Variants in FREM2 observed in about 807,000 individuals in gnomAD.
FREM2 encodes the protein FRAS1 related extracellular matrix 2.
In FREM2, 119 loss-of-function variants were observed where a neutral mutation model predicts 219.9. The ratio of observed to expected loss-of-function variants is 0.54; its 90% CI spans 0.47 to 0.63. The LOEUF is 0.63. Among genes scored for constraint, FREM2 ranks in the 30% least tolerant of loss-of-function variants. The probability of loss-of-function intolerance (pLI) is 0.00; values close to 1 mark genes in which losing one functional copy is unlikely to be tolerated. For synonymous variants in FREM2, 1,562 were observed against 1,522.8 expected, an observed-to-expected ratio of 1.03 and a Z score of -0.60; for missense variants, 4,030 against 3,993.6, an observed-to-expected ratio of 1.01 and a Z score of -0.25.
Position 38,690,634 on chromosome 13 carries a change from C to T in FREM2, c.3290C>T (p.Ser1097Phe). 1 of 1,613,660 alleles carries T rather than the reference C, an allele frequency of 6.2e-7. No homozygotes were observed. The highest frequency in any genetic ancestry group is 1.3e-5 in the African/African-American group (1 of 75,038). Residue 1097 changes from serine to phenylalanine, a missense_variant, in exon 1 of 24, where the codon TCC becomes TTC. Physicochemically the swap from Ser to Phe is radical, Grantham distance 155 (BLOSUM62 -2). This residue lies in a region of FREM2 where 3,102 missense variants were observed against 2,950.7 expected (regional missense o/e 1.05). Coordinates refer to ENST00000280481, the MANE Select transcript of FREM2 (RefSeq NM_207361.6). ...CATATAAGTGCTGAAGATGTCGACT[C>T]CCTGAATGATGACATCTTGTGCACT... Reference protein sequence around the residue: ...SVHISAEDVDSLNDDILCTIV... With the variant: ...SVHISAEDVDFLNDDILCTIV...
At chr13:38,704,222 C>A (rs1870450983) in intron 2 of FREM2, among the ~76,000 whole-genome samples, 1 of 152,166 alleles carries the variant, frequency 6.6e-6, no homozygotes, top group South Asian at 2.1e-4. Context: ...ATTTTTGGAG[C>A]ACCCACTCAC....
At chr13:38,748,397 TCTAA>T (rs1245156345) in intron 2 of FREM2, among the ~76,000 whole-genome samples, 1 of 152,238 alleles carries the variant, frequency 6.6e-6, no homozygotes, top group Non-Finnish European at 1.5e-5. Context: ...GATGTGCAGT[TCTAA>T]CTATTAGTGT....
chr13:38,875,658 C>G (rs1363978660), intron 18 of FREM2, among the ~76,000 whole-genome samples: 1 of 152,246 alleles, frequency 6.6e-6, no homozygotes, highest in Non-Finnish European at 1.5e-5. Flanking sequence ...CTTCAGTGCA[C>G]AATAAATGCA....
At chr13:38,714,442 G>A (rs913008313) in intron 2 of FREM2, among the ~76,000 whole-genome samples, 1 of 152,152 alleles carries the variant, frequency 6.6e-6, no homozygotes, top group African/African-American at 2.4e-5. Context: ...ATGTATAAAA[G>A]TTGTGAGACT....
rs1243859592 is a variant in FREM2, at chr13:38,798,741, AGTTT to A, written c.6019+13941_6019+13944del. ...TTTATCCATTTCCTCTAGGTTTTCC[AGTTT>A]GTTTGTTAGTCTGTAGTTGTTCATA... is the stretch of plus-strand genomic sequence containing the variant. On this transcript the variant is annotated intron_variant, in intron 6 of 23. Transcript: ENST00000280481. 1.6e-4 allele frequency among the ~76,000 whole-genome samples: 25 copies of A among 152,002 alleles called. No homozygotes were observed. The East Asian group carries it at 4.6e-3, about 28-fold the overall frequency.
chr13:38,699,211 T>C (rs1385403395), intron 2 of FREM2, among the ~76,000 whole-genome samples: 1 of 152,150 alleles, frequency 6.6e-6, no homozygotes, highest in East Asian at 1.9e-4. Context: ...ATAGCAAAAG[T>C]GTGACTTTCT....
At chr13:38,844,646 G>A (rs559623450) in intron 6 of FREM2, among the ~76,000 whole-genome samples, 37 of 152,182 alleles carry the variant, frequency 2.4e-4, no homozygotes, top group African/African-American at 8.7e-4. Flanking sequence ...AGGAAGATGG[G>A]GAGGTATCAT....
intron 6 of FREM2, among the ~76,000 whole-genome samples, chr13:38,795,326 A>G (rs1273067167): frequency 6.8e-6 from 1 of 147,606 alleles, no homozygotes; most frequent in Non-Finnish European, 1.5e-5. Context: ...TTTCCAACAT[A>G]TTTTTTTTTT....
At chr13:38,746,632 G>A (rs1872496245) in intron 2 of FREM2, among the ~76,000 whole-genome samples, 1 of 152,000 alleles carries the variant, frequency 6.6e-6, no homozygotes, top group Non-Finnish European at 1.5e-5. Flanking sequence ...TCATTTATAG[G>A]AAACCTTGAA....
chr13:38,852,300 T>TA (rs1164109122), intron 11 of FREM2, among the ~76,000 whole-genome samples: 1 of 152,234 alleles, frequency 6.6e-6, no homozygotes, highest in African/African-American at 2.4e-5. Context: ...TCCTCTCGTT[T>TA]AGTAAAACAA....
rs1475568486 is a variant in FREM2, at chr13:38,878,059, C to A, written c.8672-75C>A. ...GAAATAATCTCTGTGTCCTCATTGTCATAACCTGTTTACAGTGTCACGTTG... is the reference window on the plus strand; with the variant it reads ...GAAATAATCTCTGTGTCCTCATTGTAATAACCTGTTTACAGTGTCACGTTG... On this transcript the variant is annotated intron_variant, in intron 21 of 23. Transcript: ENST00000280481. 6 of 1,241,436 alleles carry A rather than the reference C, an allele frequency of 4.8e-6. No homozygotes were observed. In the Admixed American group the frequency reaches 6.7e-5, roughly 14 times the overall value. The allele number at this position is 1,241,436 out of a possible 1,614,324, so 76.9% of individuals were successfully genotyped here.
chr13:38,753,103 GT>G (rs748684301), intron 2 of FREM2, among the ~76,000 whole-genome samples: 3 of 152,182 alleles, frequency 2.0e-5, no homozygotes, highest in East Asian at 1.9e-4. Context: ...GGAGAAGAGG[GT>G]GTGGATCTTC....
chr13:38,859,136 T>C, intron 13 of FREM2, 151 bp from the exon 14 acceptor site: 1 of 702,062 alleles, frequency 1.4e-6, no homozygotes, highest in Admixed American at 2.1e-5. Context: ...ATAAATGTTA[T>C]CATGCCTGGG....
chr13:38,862,618 C>G (rs930005593), intron 15 of FREM2, among the ~76,000 whole-genome samples: 1 of 152,156 alleles, frequency 6.6e-6, no homozygotes, highest in Non-Finnish European at 1.5e-5. Flanking sequence ...GAGTTTTGCT[C>G]TGAGTGAATC....
intron 4 of FREM2, among the ~76,000 whole-genome samples, chr13:38,771,533 A>G (rs2137816971): frequency 6.6e-6 from 1 of 152,286 alleles, no homozygotes; most frequent in Non-Finnish European, 1.5e-5. Flanking sequence ...AGGATATTAA[A>G]AACAAAACAA....
rs539795928 is a variant in FREM2 at position 38,700,107 on chromosome 13, G to A, written c.5263+2320G>A. On this transcript the variant is annotated intron_variant, in intron 2 of 23. Transcript: ENST00000280481. ...TAACAGTAACTATCTAAGGAAATTA[G>A]TGGGGCAACCATCATCCATGAATAA... Among the ~76,000 whole-genome samples the A allele has an allele frequency of 2.4e-4, 37 of 152,170 alleles. No individual in the cohort carries two copies. In the South Asian group the frequency reaches 7.0e-3, roughly 29 times the overall value.
At chr13:38,744,783 C>A (rs926398402) in intron 2 of FREM2, among the ~76,000 whole-genome samples, 1 of 152,220 alleles carries the variant, frequency 6.6e-6, no homozygotes. Context: ...TAAGCCACTA[C>A]GCCCAGCCAG....
intron 6 of FREM2, among the ~76,000 whole-genome samples, chr13:38,822,493 A>G (rs1235992706): frequency 2.6e-5 from 4 of 152,082 alleles, no homozygotes; most frequent in East Asian, 3.9e-4. Flanking sequence ...CTATAAATAC[A>G]AGATAAAATT....
intron 6 of FREM2, among the ~76,000 whole-genome samples, chr13:38,805,057 A>G (rs1011482726): frequency 3.3e-5 from 5 of 152,094 alleles, no homozygotes; most frequent in Non-Finnish European, 7.4e-5. Context: ...TATGATCTAT[A>G]TAAAAGCACT....
Sources: allele counts gnomAD v4.1 joint callset (sites outside exome capture counted in the v4.1 genomes callset), GRCh38; gene constraint gnomAD v4.1.1; regional missense constraint gnomAD v4.1.1; transcripts MANE v1.5; gene names NCBI Gene and HGNC (gene_info 2026-07-23, HGNC 2026-07-21).